The following SCNN1G variants were observed in gnomAD, a reference collection of about 807,000 sequenced individuals.
SCNN1G encodes the protein epithelial sodium channel subunit gamma.
In SCNN1G, 27 loss-of-function variants were observed where a neutral mutation model predicts 64.6. That is an observed-to-expected ratio of 0.42 (90% CI 0.31 to 0.58). The LOEUF (loss-of-function observed/expected upper bound fraction) is 0.58. Ranked by LOEUF, SCNN1G falls within the 20% of genes least tolerant of loss-of-function variation. The pLI is 0.18. For missense variants in SCNN1G, 743 were observed against 823.4 expected (o/e 0.90, Z 1.19); for synonymous variants, 330 against 314.2 (o/e 1.05, Z -0.53).
Position 23,212,695 on chromosome 16 carries a change from C to T in SCNN1G, c.1312C>T (p.Leu438=). 2 of 1,614,128 alleles carry T rather than the reference C, an allele frequency of 1.2e-6. No individual in the cohort carries two copies. Among genetic ancestry groups the T allele is most frequent in the East Asian group, 2.2e-5 (1 of 44,884 alleles). The change falls in exon 9 of 13, where the codon CTG becomes TTG. Residue 438 remains leucine (L), a synonymous_variant. Coordinates refer to ENST00000300061, the MANE Select transcript of SCNN1G (RefSeq NM_001039.4). ...TCCCTCAGTGTATTGTTACTACCAA[C>T]TGCATCGAGCCTTTGTCCAGGAAGA... ...HPNWMYCYYQ[L]HRAFVQEELG...
rs1959609928 is a variant in SCNN1G, at chr16:23,186,558, C to T, written c.287C>T (p.Ala96Val). 2 of 1,613,388 alleles carry T rather than the reference C, an allele frequency of 1.2e-6. No individual in the cohort carries two copies. Among genetic ancestry groups the T allele is most frequent in the Non-Finnish European group, 1.7e-6 (2 of 1,180,024 alleles). Residue 96 changes from alanine (A) to valine (V), a missense_variant, in exon 2 of 13, where the codon GCA (alanine) becomes GTA (valine). By Grantham distance (64) the Ala-to-Val change is moderately conservative (BLOSUM62 0). Transcript: ENST00000300061. Reference protein sequence around the residue: ...KVHFRKLDFPAVTICNINPYK... With the variant: ...KVHFRKLDFPVVTICNINPYK... ...CACTTCCGGAAGCTGGATTTTCCTG[C>T]AGTCACCATCTGCAACATCAACCCC...
intron 2 of SCNN1G, among the ~76,000 whole-genome samples, chr16:23,188,261 C>T (rs1959646374): frequency 6.6e-6 from 1 of 152,160 alleles, no homozygotes; most frequent in Non-Finnish European, 1.5e-5. Context: ...GAAATCTCAG[C>T]ACTTTCAGAA....
At chr16:23,191,150 G>A (rs1209927493) in intron 3 of SCNN1G, among the ~76,000 whole-genome samples, 1 of 151,786 alleles carries the variant, frequency 6.6e-6, no homozygotes, top group Non-Finnish European at 1.5e-5. Flanking sequence ...TGGCCTGAGG[G>A]GCTCTTGAGA....
At chr16:23,208,651 C>T (rs1161170023) in intron 6 of SCNN1G, among the ~76,000 whole-genome samples, 3 of 137,284 alleles carry the variant, frequency 2.2e-5, no homozygotes, top group East Asian at 5.1e-4. Flanking sequence ...CTTCCTTTCT[C>T]TCTCTCTCTT....
At chr16:23,212,182 C>T (rs929050227) in intron 8 of SCNN1G, 31 bp downstream of exon 8, 14 of 1,440,294 alleles carry the variant, frequency 9.7e-6, no homozygotes, top group Non-Finnish European at 1.4e-5. Context: ...GCCTTGCATG[C>T]CCCAGGACCA....
intron 6 of SCNN1G, among the ~76,000 whole-genome samples, chr16:23,207,739 C>T (rs967121582): frequency 1.3e-5 from 2 of 152,130 alleles, no homozygotes; most frequent in African/African-American, 4.8e-5. Context: ...AAATGAGCAT[C>T]GTCAATTGCC....
At chr16:23,214,935 C>T in intron 12 of SCNN1G, 148 bp downstream of exon 12, 1 of 1,119,944 alleles carries the variant, frequency 8.9e-7, no homozygotes, top group East Asian at 2.5e-5. Flanking sequence ...TCGGAATGCA[C>T]AGAGTAAGAG....
chr16:23,197,290 G>A lies in SCNN1G; in HGVS notation c.940G>A (p.Glu314Lys), dbSNP rs147199706. 10 of 1,613,738 alleles carry A rather than the reference G, an allele frequency of 6.2e-6. No homozygotes were observed. Among genetic ancestry groups the A allele is most frequent in the South Asian group, 1.1e-5 (1 of 91,062 alleles). ...YGLQVILYINEEEYNPFLVSS... is the reference protein window; with the variant it reads ...YGLQVILYINKEEYNPFLVSS... Reference sequence around the variant, plus strand: ...GCTGCAAGTCATTTTGTACATAAACGAAGAGGAATACAACCCATTCCTCGT... The same window carrying A: ...GCTGCAAGTCATTTTGTACATAAACAAAGAGGAATACAACCCATTCCTCGT... Residue 314 changes from glutamate (E) to lysine (K), a missense_variant, in exon 6 of 13, where the codon GAA becomes AAA. Transcript: ENST00000300061.
At chr16:23,203,796 A>AG (rs1959932591) in intron 6 of SCNN1G, among the ~76,000 whole-genome samples, 2 of 149,868 alleles carry the variant, frequency 1.3e-5, no homozygotes, top group South Asian at 2.1e-4. Context: ...AAAAAAAAAA[A>AG]GAGCTCTGAT....
chr16:23,194,735 G>A (rs182260287), intron 5 of SCNN1G: 146 of 208,656 alleles, frequency 7.0e-4, no homozygotes, highest in African/African-American at 8.3e-4. Flanking sequence ...ACTGCGCTTC[G>A]TCTATAAAGC....
chr16:23,189,100 G>A (rs1007633290), intron 2 of SCNN1G, among the ~76,000 whole-genome samples: 15 of 152,144 alleles, frequency 9.9e-5, no homozygotes, highest in African/African-American at 3.4e-4. Context: ...GGACAAACTT[G>A]TCAACACACC....
At chr16:23,189,223 G>A (rs1959663318) in intron 2 of SCNN1G, 148 bp from the exon 3 acceptor site, 1 of 814,716 alleles carries the variant, frequency 1.2e-6, no homozygotes, top group Non-Finnish European at 2.0e-6. Context: ...GATGGGTCAA[G>A]TCATGAAAGG....
At chr16:23,212,806 C>T in intron 9 of SCNN1G, 31 bp from the exon 10 acceptor site, 2 of 1,613,896 alleles carry the variant, frequency 1.2e-6, no homozygotes, top group Non-Finnish European at 1.7e-6. Flanking sequence ...GGTTGGGCTG[C>T]CTACACTCAT....
rs1960088403 is a variant in SCNN1G, at chr16:23,212,099, G to A, written c.1242G>A (p.Gln414=). The part of the protein sequence containing the change: ...VEKCGCAQYS[Q]PLPPAANYCN... ...AATGTGGGTGTGCCCAGTACAGCCA[G>A]CCTCTACCTCCTGCAGCCAACTACT... The change falls in exon 8 of 13, where the codon CAG becomes CAA. Residue 414 remains glutamine, a synonymous_variant. Transcript: ENST00000300061. The A allele has an allele frequency of 6.2e-7, 1 of 1,614,046 alleles. No individual in the cohort carries two copies. The highest frequency in any genetic ancestry group is 1.7e-5 in the Admixed American group (1 of 60,026).
chr16:23,201,516 T>C (rs1959888632), intron 6 of SCNN1G, among the ~76,000 whole-genome samples: 1 of 132,490 alleles, frequency 7.5e-6, no homozygotes, highest in African/African-American at 2.6e-5. Context: ...TTTATGAGCA[T>C]TTAGAACAAC....
chr16:23,209,818 G>A lies in SCNN1G; in HGVS notation c.1146G>A (p.Arg382=). 1 of 1,614,020 alleles carries A rather than the reference G, an allele frequency of 6.2e-7. No homozygotes were observed. Among genetic ancestry groups the A allele is most frequent in the Non-Finnish European group, 8.5e-7 (1 of 1,179,906 alleles). The change falls in exon 7 of 13, where the codon AGG becomes AGA. Residue 382 remains arginine (R), a synonymous_variant. Coordinates refer to ENST00000300061, the MANE Select transcript of SCNN1G (RefSeq NM_001039.4). ...AGGACGGGAGTGACGTGCCAATCAGGAACATCTACAACGCTGCCTACTCGC... is the reference window on the plus strand; with the variant it reads ...AGGACGGGAGTGACGTGCCAATCAGAAACATCTACAACGCTGCCTACTCGC... ...CTEDGSDVPI[R]NIYNAAYSLQ...
chr16:23,184,924 C>T (rs1277778682), intron 1 of SCNN1G, among the ~76,000 whole-genome samples: 4 of 152,124 alleles, frequency 2.6e-5, no homozygotes, highest in African/African-American at 9.7e-5. Flanking sequence ...TTTCATATAT[C>T]CCCCACCCCC....
At chr16:23,212,549 G>C (rs1567269222) in intron 8 of SCNN1G, 129 bp from the exon 9 acceptor site, 3 of 783,842 alleles carry the variant, frequency 3.8e-6, no homozygotes, top group Non-Finnish European at 6.9e-6. Context: ...TGTGTTTCCA[G>C]AGAGTTGGTA....
At chr16:23,211,223 G>T (rs984102930) in intron 7 of SCNN1G, among the ~76,000 whole-genome samples, 3 of 152,178 alleles carry the variant, frequency 2.0e-5, no homozygotes, top group Non-Finnish European at 4.4e-5. Flanking sequence ...CCAAACAGCA[G>T]AAAAATAGCA....
Sources: allele counts gnomAD v4.1 joint callset (sites outside exome capture counted in the v4.1 genomes callset), GRCh38; gene constraint gnomAD v4.1.1; transcripts MANE v1.5; gene names NCBI Gene and HGNC (gene_info 2026-07-23, HGNC 2026-07-21).